Variants in ATP11A observed in about 807,000 individuals in gnomAD.
ATP11A encodes the protein phospholipid-transporting ATPase IH.
Under a neutral mutation model 154.4 loss-of-function variants are expected in ATP11A, and 81 were observed. That is an observed-to-expected ratio of 0.52 (90% CI 0.44 to 0.63). ATP11A has a LOEUF of 0.63. ATP11A is among the 30% of genes least tolerant of loss of function. ATP11A has a pLI of 0.00. For synonymous variants in ATP11A, 623 were observed against 585.9 expected (o/e 1.06, Z -0.91); for missense variants, 1,316 against 1,474.3 (o/e 0.89, Z 1.76).
In ATP11A at chr13:112,875,766, T is replaced by C; in HGVS notation, c.3162-10T>C. The C allele has an allele frequency of 6.2e-7, 1 of 1,611,736 alleles. No individual in the cohort carries two copies. The highest frequency in any genetic ancestry group is 8.5e-7 in the Non-Finnish European group (1 of 1,178,362). ...TGCCTCACCAGCGGCTTCTCTTCCC[T>C]GCCCCTCAGGCCGTTCCTCAACTAC... On this transcript the variant is annotated splice_polypyrimidine_tract_variant and intron_variant, in intron 27 of 29. Coordinates refer to ENST00000375645, the MANE Select transcript of ATP11A (RefSeq NM_015205.3). The surrounding 1 kb of genome is among the most constrained non-coding windows in gnomAD (Gnocchi z 4.1).
chr13:112,756,992 T>G (rs1056547155), intron 1 of ATP11A, among the ~76,000 whole-genome samples: 1 of 152,054 alleles, frequency 6.6e-6, no homozygotes, highest in Non-Finnish European at 1.5e-5. Context: ...AAAATGATCA[T>G]ATTTGAAGAA....
rs921640535 is a variant in ATP11A, at chr13:112,882,201, A to G, written c.*335A>G. 83 of 1,128,590 alleles carry G rather than the reference A, an allele frequency of 7.4e-5. No individual in the cohort carries two copies. Among genetic ancestry groups the G allele is most frequent in the Non-Finnish European group, 9.3e-5 (79 of 850,290 alleles). 69.9% of individuals were successfully genotyped at this position (1,128,590 alleles called of 1,614,324 possible). ...CCCAGCACTGTGGTTGTTGAGCCAC[A>G]CCAGTGGCCTCTGGGCATTCGGCTC... is the stretch of plus-strand genomic sequence containing the variant. On this transcript the variant is annotated 3_prime_UTR_variant, in exon 30 of 30. Transcript: ENST00000375645. The surrounding 1 kb of genome is among the most constrained non-coding windows in gnomAD (Gnocchi z 5.1).
chr13:112,796,024 T>C (rs922679616), intron 2 of ATP11A, among the ~76,000 whole-genome samples: 2 of 152,130 alleles, frequency 1.3e-5, no homozygotes, highest in Non-Finnish European at 2.9e-5. Flanking sequence ...TATCTTGAGG[T>C]GGGGTTAGCA....
chr13:112,875,779 G>A lies in ATP11A; in HGVS notation c.3165G>A (p.Pro1055=), dbSNP rs776660233. The change falls in exon 28 of 30, where the codon CCG becomes CCA. Residue 1055 remains proline, a synonymous_variant. Transcript: ENST00000375645. The surrounding 1 kb of genome is among the most constrained non-coding windows in gnomAD (Gnocchi z 4.1). ...GCTTCTCTTCCCTGCCCCTCAGGCCGTTCCTCAACTACCAGAGGATGTACT... is the reference window on the plus strand; with the variant it reads ...GCTTCTCTTCCCTGCCCCTCAGGCCATTCCTCAACTACCAGAGGATGTACT... ...FSLLWGGVIW[P]FLNYQRMYYV... 25 of 1,613,078 alleles carry A rather than the reference G, an allele frequency of 1.5e-5. No homozygotes were observed. The highest frequency in any genetic ancestry group is 6.7e-5 in the Admixed American group (4 of 60,002).
intron 9 of ATP11A, among the ~76,000 whole-genome samples, chr13:112,824,108 A>G (rs1258131497): frequency 6.6e-6 from 1 of 152,210 alleles, no homozygotes; most frequent in Non-Finnish European, 1.5e-5. Context: ...GGCCCAGTGT[A>G]TATTAAGATA....
At chr13:112,821,288 A>C (rs2078790961) in intron 8 of ATP11A, among the ~76,000 whole-genome samples, 1 of 151,796 alleles carries the variant, frequency 6.6e-6, no homozygotes, top group Non-Finnish European at 1.5e-5. Flanking sequence ...TTTGATACTA[A>C]CTCTGGTTTC....
At chr13:112,781,982 T>C (rs2077512380) in intron 1 of ATP11A, among the ~76,000 whole-genome samples, 1 of 152,188 alleles carries the variant, frequency 6.6e-6, no homozygotes, top group Non-Finnish European at 1.5e-5. Flanking sequence ...GACGAGGCCA[T>C]CAGGCAAGGC....
At position 112,871,818 on chromosome 13, in the gene ATP11A, C is replaced by T. The variant is rs772703933; in HGVS notation, c.3057+18C>T. ...CACTAAAGGTAAGTGGTCTCGCGCT[C>T]ACGTTCCTCCCCCAGCCACAGTGAA... On this transcript the variant is annotated intron_variant, in intron 26 of 29. Transcript: ENST00000375645. 5.0e-6 allele frequency: 8 copies of T among 1,611,414 alleles called. No individual in the cohort carries two copies. Among genetic ancestry groups the T allele is most frequent in the South Asian group, 4.4e-5 (4 of 91,052 alleles).
At chr13:112,717,499 G>C (rs1210845408) in intron 1 of ATP11A, 2 of 152,070 alleles carry the variant, frequency 1.3e-5, no homozygotes, top group African/African-American at 4.8e-5. Context: ...AAACATCCCC[G>C]GGTACTCTTG....
At chr13:112,724,132 GCCCCCTTCA>G (rs1394931592) in intron 1 of ATP11A, among the ~76,000 whole-genome samples, 1 of 39,428 alleles carries the variant, frequency 2.5e-5, no homozygotes, top group Non-Finnish European at 5.0e-5. Context: ...CTCCCCCATC[GCCCCCTTCA>G]CCCCCTTTGC....
intron 1 of ATP11A, among the ~76,000 whole-genome samples, chr13:112,762,712 T>G (rs1446918879): frequency 6.6e-6 from 1 of 150,598 alleles, no homozygotes; most frequent in African/African-American, 2.5e-5. Flanking sequence ...AACCCAGTTA[T>G]GCTCAGCTAA....
rs553640054 is a variant in ATP11A at position 112,732,849 on chromosome 13, G to A, written c.39+42394G>A. On this transcript the variant is annotated intron_variant, in intron 1 of 29. Coordinates refer to ENST00000375645, the MANE Select transcript of ATP11A (RefSeq NM_015205.3). The stretch of plus-strand genomic sequence containing the variant: ...GCTGGTCTTGAACTCCCGACCTCAG[G>A]TGATTCACCTGCCTCGGCCTCCCAA... Among the ~76,000 whole-genome samples the A allele has an allele frequency of 7.2e-5, 11 of 152,298 alleles. No homozygotes were observed. In the East Asian group the frequency reaches 9.6e-4, roughly 13 times the overall value.
Position 112,855,994 on chromosome 13 carries a change from G to A in ATP11A, c.2327G>A (p.Ser776Asn). ...ATAATGAAGCCTCGAGAAGACGGGAGTTCCGGCAACTACAGGGAGCTCTTC... is the reference window on the plus strand; with the variant it reads ...ATAATGAAGCCTCGAGAAGACGGGAATTCCGGCAACTACAGGGAGCTCTTC... ...SLIMKPREDG[S>N]SGNYRELFLE... Residue 776 changes from serine to asparagine, a missense_variant, in exon 20 of 30, where the codon AGT becomes AAT. This residue lies in a region of ATP11A where 876 missense variants were observed against 1,006.8 expected (regional missense o/e 0.87). Transcript: ENST00000375645. The A allele has an allele frequency of 6.2e-7, 1 of 1,614,226 alleles. No individual in the cohort carries two copies. Among genetic ancestry groups the A allele is most frequent in the Non-Finnish European group, 8.5e-7 (1 of 1,180,038 alleles).
chr13:112,772,336 G>A (rs911151537), intron 1 of ATP11A, among the ~76,000 whole-genome samples: 3 of 152,214 alleles, frequency 2.0e-5, no homozygotes, highest in Admixed American at 6.5e-5. Context: ...GACCTGGAGC[G>A]GCTGCGGTGG....
chr13:112,785,034 A>AT lies in ATP11A; in HGVS notation c.40-101_40-100insT. ...GAACGATGCTCTCAGCAGCAGGTACAGGTCTCCGTTCCGACGAACGTGCCT... is the reference window on the plus strand; with the variant it reads ...GAACGATGCTCTCAGCAGCAGGTACATGGTCTCCGTTCCGACGAACGTGCCT... On this transcript the variant is annotated intron_variant, in intron 1 of 29. Coordinates refer to ENST00000375645, the MANE Select transcript of ATP11A (RefSeq NM_015205.3). This position sits in a 1 kb window ranked among gnomAD's most constrained non-coding sequence, Gnocchi z 4.8. 6 of 1,327,046 alleles carry AT rather than the reference A, an allele frequency of 4.5e-6. No individual in the cohort carries two copies. Among genetic ancestry groups the AT allele is most frequent in the Non-Finnish European group, 3.9e-6 (4 of 1,023,358 alleles). 82.2% of individuals were successfully genotyped at this position (1,327,046 alleles called of 1,614,324 possible). A position where few individuals can be genotyped will look rare whatever the true frequency, so the allele number is the denominator to read the frequency against.
chr13:112,791,346 C>G (rs886462260), intron 2 of ATP11A, among the ~76,000 whole-genome samples: 1 of 152,264 alleles, frequency 6.6e-6, no homozygotes, highest in Admixed American at 6.5e-5. Flanking sequence ...CATCACCCAG[C>G]CTGCCCCCTG....
At chr13:112,705,790 T>C (rs1236401413) in intron 1 of ATP11A, among the ~76,000 whole-genome samples, 3 of 152,242 alleles carry the variant, frequency 2.0e-5, no homozygotes, top group African/African-American at 7.2e-5. Context: ...AAATGTTACA[T>C]AGTAGGTAAA....
intron 2 of ATP11A, among the ~76,000 whole-genome samples, chr13:112,803,790 TGC>T (rs2078210029): frequency 1.3e-5 from 1 of 75,504 alleles, no homozygotes. Flanking sequence ...CTCCCCTCCC[TGC>T]CTTACTTCCC....
At chr13:112,844,200 A>G (rs908605440) in intron 17 of ATP11A, among the ~76,000 whole-genome samples, 1 of 152,166 alleles carries the variant, frequency 6.6e-6, no homozygotes, top group African/African-American at 2.4e-5. Context: ...TCCTCCATGG[A>G]GGGTCTTCAT....
Sources: allele counts gnomAD v4.1 joint callset (sites outside exome capture counted in the v4.1 genomes callset), GRCh38; gene constraint gnomAD v4.1.1; regional missense constraint gnomAD v4.1.1; non-coding constraint Gnocchi (gnomAD v3.1); transcripts MANE v1.5; gene names NCBI Gene and HGNC (gene_info 2026-07-23, HGNC 2026-07-21).